Variants in RNF222 observed in about 807,000 individuals in gnomAD.
The protein encoded by RNF222 is RING finger protein LOC643904.
In RNF222, 14 loss-of-function variants were observed where a neutral mutation model predicts 10.8. The observed-to-expected ratio is 1.30, with a 90% CI of 0.86 to 2.03. The LOEUF is 2.03. Among genes scored for constraint, RNF222 ranks in the 30% most tolerant of loss-of-function variants. The pLI, the probability that RNF222 is intolerant of heterozygous loss-of-function variation, is 0.00. For synonymous variants in RNF222, 141 were observed against 142.5 expected (o/e 0.99, Z 0.07); for missense variants, 298 against 295.8 (o/e 1.01, Z -0.06).
chr17:8,396,834 G>T (rs1445349739), intron 1 of RNF222, among the ~76,000 whole-genome samples: 6 of 152,112 alleles, frequency 3.9e-5, no homozygotes, highest in Non-Finnish European at 8.8e-5. Flanking sequence ...GATTCTGTTT[G>T]GATGCTGGGG....
chr17:8,391,128 C>G lies in RNF222; in HGVS notation c.*1671G>C, dbSNP rs62064334. ...GCAACCTCCGCCTCCCGGGTTCAAGCGAATCTTCTGTCTCTCCCAGGTAGC... is the reference window on the plus strand; with the variant it reads ...GCAACCTCCGCCTCCCGGGTTCAAGGGAATCTTCTGTCTCTCCCAGGTAGC... On this transcript the variant is annotated 3_prime_UTR_variant, in exon 3 of 3. Transcript: ENST00000399398. 0.15 allele frequency: 23,239 copies of G among 152,012 alleles called. 1,896 individuals carry two copies. The highest frequency in any genetic ancestry group is 0.22 in the Middle Eastern group (66 of 298). 9.4% of individuals were successfully genotyped at this position (152,012 alleles called of 1,614,324 possible). A position where few individuals can be genotyped will look rare whatever the true frequency, so the allele number is the denominator to read the frequency against.
chr17:8,393,315 G>A lies in RNF222; in HGVS notation c.147C>T (p.Thr49=), dbSNP rs1437700603. Residue 49 remains threonine (T), a synonymous_variant, in exon 3 of 3, where the codon ACC becomes ACT. Transcript: ENST00000399398. ...HDCLVKYLLS[T]RVDGQVQRTL... ...TCCTCTGGACCTGCCCATCCACGCG[G>A]GTGGACAGCAGGTACTTGACCAGGC... 4 of 1,551,514 alleles carry A rather than the reference G, an allele frequency of 2.6e-6. No homozygotes were observed. The highest frequency in any genetic ancestry group is 4.9e-5 in the East Asian group (2 of 40,920).
rs1462373628 is a variant in RNF222 at position 8,391,530 on chromosome 17, G to C, written c.*1269C>G. On this transcript the variant is annotated 3_prime_UTR_variant, in exon 3 of 3. Transcript: ENST00000399398. ...CAAATTGCCCAGAGGGGTATAGGTTGAGGGAGGTTGGGGGCTCAGCTGTGG... is the reference window on the plus strand; with the variant it reads ...CAAATTGCCCAGAGGGGTATAGGTTCAGGGAGGTTGGGGGCTCAGCTGTGG... 6.8e-6 allele frequency: 1 copy of C among 146,820 alleles called. No individual in the cohort carries two copies. Among genetic ancestry groups the C allele is most frequent in the Non-Finnish European group, 1.5e-5 (1 of 65,946 alleles). 9.1% of individuals were successfully genotyped at this position (146,820 alleles called of 1,614,324 possible).
chr17:8,393,057 G>T lies in RNF222; in HGVS notation c.405C>A (p.Leu135=), dbSNP rs1161011006. ...PPGSPGQSAQ[L]PLDLLPSLPR... is the part of the protein sequence containing the mutation. ...GCAGGCTGGGCAGCAGGTCCAGGGGGAGCTGGGCGCTCTGGCCCGGGCTGC... is the reference window on the plus strand; with the variant it reads ...GCAGGCTGGGCAGCAGGTCCAGGGGTAGCTGGGCGCTCTGGCCCGGGCTGC... The change falls in exon 3 of 3, where the codon CTC becomes CTA. Residue 135 remains leucine, a synonymous_variant. Transcript: ENST00000399398. 6.7e-7 allele frequency: 1 copy of T among 1,495,898 alleles called. No individual in the cohort carries two copies. The highest frequency in any genetic ancestry group is 8.9e-7 in the Non-Finnish European group (1 of 1,127,470). The allele number at this position is 1,495,898 out of a possible 1,614,324, so 92.7% of individuals were successfully genotyped here.
In RNF222 at chr17:8,393,394, T is replaced by C; in HGVS notation, c.68A>G (p.Asp23Gly). Residue 23 changes from aspartate to glycine, a missense_variant, in exon 3 of 3, where the codon GAC (aspartate) becomes GGC (glycine). By Grantham distance (94) the Asp-to-Gly change is moderately conservative (BLOSUM62 -1). Coordinates refer to ENST00000399398, the MANE Select transcript of RNF222 (RefSeq NM_001146684.3). ...CAGCGTCCGGCTGGCGCCCTCCAGG[T>C]CCCGGAACTTCTCATAGCACACGGG... ...ECPVCYEKFRDLEGASRTLSC... is the reference protein window; with the variant it reads ...ECPVCYEKFRGLEGASRTLSC... 6.4e-7 allele frequency: 1 copy of C among 1,551,580 alleles called. No homozygotes were observed.
chr17:8,393,500 G>A lies in RNF222; in HGVS notation c.-25-14C>T. 6.6e-7 allele frequency: 1 copy of A among 1,515,986 alleles called. No individual in the cohort carries two copies. The highest frequency in any genetic ancestry group is 8.8e-7 in the Non-Finnish European group (1 of 1,130,844). The allele number at this position is 1,515,986 out of a possible 1,614,324, so 93.9% of individuals were successfully genotyped here. A position where few individuals can be genotyped will look rare whatever the true frequency, so the allele number is the denominator to read the frequency against. ...TGGCACGCTCAGCTGTGGACGGGAA[G>A]GGTTGTGAATATTGGGGCATTTCCT... On this transcript the variant is annotated splice_polypyrimidine_tract_variant and intron_variant, in intron 2 of 2. Transcript: ENST00000399398.
At chr17:8,395,397 T>C (rs6503112) in intron 1 of RNF222, among the ~76,000 whole-genome samples, 113,757 of 152,100 alleles carry the variant, frequency 0.75, 43,012 homozygotes, top group African/African-American at 0.79. Context: ...AATAATGGTA[T>C]CATCTTCCTC....
intron 1 of RNF222, among the ~76,000 whole-genome samples, chr17:8,394,738 G>A (rs571000232): frequency 7.2e-5 from 11 of 152,338 alleles, no homozygotes; most frequent in Middle Eastern, 6.8e-3. Context: ...CAAGGCGCTG[G>A]CCACAAGATG....
chr17:8,391,782 G>A lies in RNF222; in HGVS notation c.*1017C>T, dbSNP rs62064339. 0.15 allele frequency: 23,301 copies of A among 152,220 alleles called. 1,905 individuals are homozygous for A. The highest frequency in any genetic ancestry group is 0.22 in the Middle Eastern group (64 of 294). 9.4% of individuals were successfully genotyped at this position (152,220 alleles called of 1,614,324 possible). A position where few individuals can be genotyped will look rare whatever the true frequency, so the allele number is the denominator to read the frequency against. ...GGGCACCTGGGCCTCAGCATTTCTC[G>A]GTTGAGATGGCGGCGTCCCTGACAA... On this transcript the variant is annotated 3_prime_UTR_variant, in exon 3 of 3. Coordinates refer to ENST00000399398, the MANE Select transcript of RNF222 (RefSeq NM_001146684.3).
chr17:8,392,634 C>G lies in RNF222; in HGVS notation c.*165G>C, dbSNP rs1186518837. 3.1e-5 allele frequency: 25 copies of G among 812,130 alleles called. No individual in the cohort carries two copies. The highest frequency in any genetic ancestry group is 4.5e-5 in the Non-Finnish European group (24 of 538,032). 50.3% of individuals were successfully genotyped at this position (812,130 alleles called of 1,614,324 possible). On this transcript the variant is annotated 3_prime_UTR_variant, in exon 3 of 3. Coordinates refer to ENST00000399398, the MANE Select transcript of RNF222 (RefSeq NM_001146684.3). This position sits in a 1 kb window ranked among gnomAD's most constrained non-coding sequence, Gnocchi z 4.3. ...AGTCAGCTCCAGCCTCTCTGTCGAG[C>G]GGAAGCCCCTGCGGGGGTCGGGGAA...
chr17:8,396,661 C>T (rs774346343), intron 1 of RNF222, among the ~76,000 whole-genome samples: 2 of 152,182 alleles, frequency 1.3e-5, no homozygotes, highest in African/African-American at 4.8e-5. Context: ...ATCCTTCCCC[C>T]GTCCCGTGCT....
At chr17:8,394,883 C>G (rs1348726569) in intron 1 of RNF222, among the ~76,000 whole-genome samples, 1 of 152,214 alleles carries the variant, frequency 6.6e-6, no homozygotes, top group African/African-American at 2.4e-5. Context: ...CCCAGTGTCA[C>G]AACTGTGTAG....
At position 8,392,587 on chromosome 17, in the gene RNF222, G is replaced by C. The variant is rs1907871409; in HGVS notation, c.*212C>G. On this transcript the variant is annotated 3_prime_UTR_variant, in exon 3 of 3. Transcript: ENST00000399398. This position sits in a 1 kb window ranked among gnomAD's most constrained non-coding sequence, Gnocchi z 4.3. ...ACGCATCTGCTGAGGATTCACGTGG[G>C]GAACACGCGCCGCGCGCATGGAGTC... is the stretch of plus-strand genomic sequence containing the variant. The C allele has an allele frequency of 1.9e-5, 11 of 590,894 alleles. No individual in the cohort carries two copies. In the South Asian group the frequency reaches 2.3e-4, roughly 12 times the overall value. The allele number at this position is 590,894 out of a possible 1,614,324, so 36.6% of individuals were successfully genotyped here.
At position 8,393,309 on chromosome 17, in the gene RNF222, C is replaced by A. The variant is rs1485912652; in HGVS notation, c.153G>T (p.Val51=). The change falls in exon 3 of 3, where the codon GTG becomes GTT. Residue 51 remains valine (V), a synonymous_variant. Transcript: ENST00000399398. The part of the protein sequence containing the change: ...CLVKYLLSTR[V]DGQVQRTLVC... ...CCAGGGTCCTCTGGACCTGCCCATC[C>A]ACGCGGGTGGACAGCAGGTACTTGA... is the stretch of plus-strand genomic sequence containing the variant. The A allele has an allele frequency of 2.6e-6, 4 of 1,551,606 alleles. No individual in the cohort carries two copies. The East Asian group carries it at 7.3e-5, about 28-fold the overall frequency.
At chr17:8,393,820 G>A (rs1342231685) in intron 2 of RNF222, among the ~76,000 whole-genome samples, 2 of 152,210 alleles carry the variant, frequency 1.3e-5, no homozygotes, top group Non-Finnish European at 2.9e-5. Flanking sequence ...CACACATGGT[G>A]AGGTCACTGC....
At position 8,393,086 on chromosome 17, in the gene RNF222, G is replaced by A. The variant is rs1162913731; in HGVS notation, c.376C>T (p.Pro126Ser). ...WRPPPGQARP[P>S]GSPGQSAQLP... The stretch of plus-strand genomic sequence containing the variant: ...TGGGCGCTCTGGCCCGGGCTGCCTG[G>A]CGGCCTGGCCTGGCCTGGAGGTGGC... The change falls in exon 3 of 3, where the codon CCA (proline) becomes TCA (serine). Residue 126 changes from proline (P) to serine (S), a missense_variant. By Grantham distance (74) the Pro-to-Ser change is moderately conservative. Coordinates refer to ENST00000399398, the MANE Select transcript of RNF222 (RefSeq NM_001146684.3). 1 of 1,494,790 alleles carries A rather than the reference G, an allele frequency of 6.7e-7. No individual in the cohort carries two copies. Among genetic ancestry groups the A allele is most frequent in the African/African-American group, 1.4e-5 (1 of 71,646 alleles). The allele number at this position is 1,494,790 out of a possible 1,614,324, so 92.6% of individuals were successfully genotyped here.
Position 8,392,796 on chromosome 17 carries a change from G to A in RNF222, c.*3C>T, listed in dbSNP as rs1311088590. ...TAGCCCGGCGGCCTCCCTGAGGTGC[G>A]GCTCACGCCTGCTTCCTCACCAGCA... On this transcript the variant is annotated 3_prime_UTR_variant, in exon 3 of 3. Coordinates refer to ENST00000399398, the MANE Select transcript of RNF222 (RefSeq NM_001146684.3). The surrounding 1 kb of genome is among the most constrained non-coding windows in gnomAD (Gnocchi z 4.3). 4 of 1,531,992 alleles carry A rather than the reference G, an allele frequency of 2.6e-6. No homozygotes were observed. In the Admixed American group the frequency reaches 7.9e-5, roughly 30 times the overall value. The allele number at this position is 1,531,992 out of a possible 1,614,324, so 94.9% of individuals were successfully genotyped here. A position where few individuals can be genotyped will look rare whatever the true frequency, so the allele number is the denominator to read the frequency against.
At position 8,393,037 on chromosome 17, in the gene RNF222, C is replaced by G; in HGVS notation, c.425G>C (p.Ser142Thr). The change falls in exon 3 of 3, where the codon AGC (serine) becomes ACC (threonine). Residue 142 changes from serine to threonine, a missense_variant. Physicochemically the swap from Ser to Thr is moderately conservative, Grantham distance 58. Transcript: ENST00000399398. ...SAQLPLDLLPSLPRESQIFVI... is the reference protein window; with the variant it reads ...SAQLPLDLLPTLPRESQIFVI... The stretch of plus-strand genomic sequence containing the variant: ...AAAGATCTGTGACTCCCGGGGCAGG[C>G]TGGGCAGCAGGTCCAGGGGGAGCTG... 1 of 1,502,036 alleles carries G rather than the reference C, an allele frequency of 6.7e-7. No individual in the cohort carries two copies. Among genetic ancestry groups the G allele is most frequent in the Non-Finnish European group, 8.8e-7 (1 of 1,130,416 alleles). The allele number at this position is 1,502,036 out of a possible 1,614,324, so 93.0% of individuals were successfully genotyped here. A position where few individuals can be genotyped will look rare whatever the true frequency, so the allele number is the denominator to read the frequency against.
chr17:8,392,716 G>C lies in RNF222; in HGVS notation c.*83C>G. On this transcript the variant is annotated 3_prime_UTR_variant, in exon 3 of 3. Transcript: ENST00000399398. The surrounding 1 kb of genome is among the most constrained non-coding windows in gnomAD (Gnocchi z 4.3). ...CCTCTGCCTGCCCGCGTGCCCCTCG[G>C]AGCTTGGTGGCACCAGGGCTGCCGT... is the stretch of plus-strand genomic sequence containing the variant. The C allele has an allele frequency of 6.8e-7, 1 of 1,474,234 alleles. No homozygotes were observed. The highest frequency in any genetic ancestry group is 9.0e-7 in the Non-Finnish European group (1 of 1,116,756). The allele number at this position is 1,474,234 out of a possible 1,614,324, so 91.3% of individuals were successfully genotyped here.
Sources: allele counts gnomAD v4.1 joint callset (sites outside exome capture counted in the v4.1 genomes callset), GRCh38; gene constraint gnomAD v4.1.1; non-coding constraint Gnocchi (gnomAD v3.1); transcripts MANE v1.5; gene names NCBI Gene and HGNC (gene_info 2026-07-23, HGNC 2026-07-21).